USP7: variants seen among roughly 807,000 people sequenced by gnomAD.
USP7 encodes the protein ubiquitin specific peptidase 7, also known as ubiquitin C-terminal hydrolase 7.
Under a neutral mutation model 162.9 loss-of-function variants are expected in USP7, and 9 were observed. The observed-to-expected ratio is 0.06, with a 90% CI of 0.03 to 0.10. The LOEUF (loss-of-function observed/expected upper bound fraction) is 0.10. Ranked by LOEUF, USP7 falls within the 10% of genes least tolerant of loss-of-function variation. USP7 has a pLI of 1.00. For synonymous variants in USP7, 562 were observed against 475.9 expected (o/e 1.18, Z -2.35); for missense variants, 715 against 1,373.7 (o/e 0.52, Z 7.58).
At chr16:8,919,557 G>C (rs1380136934) in intron 5 of USP7, among the ~76,000 whole-genome samples, 3 of 152,074 alleles carry the variant, frequency 2.0e-5, no homozygotes, top group Non-Finnish European at 4.4e-5. Flanking sequence ...AGAAACAGAA[G>C]TGTGTATTCA....
rs1354559247 is a variant in USP7 at position 8,900,665 on chromosome 16, G to A, written c.2209-35C>T. The A allele has an allele frequency of 5.3e-6, 8 of 1,511,262 alleles. No homozygotes were observed. The East Asian group carries it at 1.6e-4, about 30-fold the overall frequency. The allele number at this position is 1,511,262 out of a possible 1,614,324, so 93.6% of individuals were successfully genotyped here. On this transcript the variant is annotated intron_variant, in intron 20 of 30. Coordinates refer to ENST00000344836, the MANE Select transcript of USP7 (RefSeq NM_003470.3). ...AAGATATAAAATTGTTACACTGCAA[G>A]TTTGTCTAACGTTTAATATGGCCAG...
intron 15 of USP7, 84 bp downstream of exon 15, chr16:8,904,351 G>A: frequency 6.4e-7 from 1 of 1,563,604 alleles, no homozygotes. Context: ...AGTCCCAGAG[G>A]GGTGGGGGCT....
intron 21 of USP7, 120 bp downstream of exon 21, chr16:8,900,410 T>G: frequency 1.5e-6 from 1 of 645,494 alleles, no homozygotes; most frequent in Non-Finnish European, 2.5e-6. Flanking sequence ...AACAGTTACA[T>G]TAAAAAAAAC....
At chr16:8,906,382 ACTTTCTGATGAG>A in intron 13 of USP7, 32 bp downstream of exon 13, 1 of 1,591,060 alleles carries the variant, frequency 6.3e-7, no homozygotes, top group Non-Finnish European at 8.6e-7. Flanking sequence ...GCTTGTGTTA[ACTTTCTGATGAG>A]CTTGCATTCA....
intron 1 of USP7, among the ~76,000 whole-genome samples, chr16:8,945,816 C>T (rs986260042): frequency 5.9e-5 from 9 of 151,514 alleles, no homozygotes; most frequent in South Asian, 2.1e-4. Flanking sequence ...TTTAGGAAGC[C>T]AAGGCAAGAA....
intron 10 of USP7, among the ~76,000 whole-genome samples, chr16:8,914,944 T>A (rs147527788): frequency 1.1e-3 from 164 of 152,140 alleles, no homozygotes; most frequent in African/African-American, 3.6e-3. Flanking sequence ...AACAAATACA[T>A]CCTACTACAA....
intron 1 of USP7, chr16:8,936,803 G>C: frequency 2.4e-6 from 3 of 1,234,098 alleles, no homozygotes; most frequent in Non-Finnish European, 3.1e-6. Context: ...AGGCAGTCCA[G>C]GAACAGAAGA....
At chr16:8,953,361 T>A (rs1899645299) in intron 1 of USP7, among the ~76,000 whole-genome samples, 1 of 152,096 alleles carries the variant, frequency 6.6e-6, no homozygotes, top group African/African-American at 2.4e-5. Flanking sequence ...AGTCAGCAGA[T>A]GTTTGATGAA....
Position 8,963,197 on chromosome 16 carries a change from C to G in USP7, c.79+10G>C, listed in dbSNP as rs1425935761. On this transcript the variant is annotated intron_variant, in intron 1 of 30. Coordinates refer to ENST00000344836, the MANE Select transcript of USP7 (RefSeq NM_003470.3). ...CCCCGGCCCCGCCGCGGCCGGCCCT[C>G]GGGCCTCACCTTCCATCTCCATGTC... 9.9e-6 allele frequency: 14 copies of G among 1,410,846 alleles called. No individual in the cohort carries two copies. Among genetic ancestry groups the G allele is most frequent in the Non-Finnish European group, 1.3e-5 (14 of 1,073,004 alleles). 87.4% of individuals were successfully genotyped at this position (1,410,846 alleles called of 1,614,324 possible). A position where few individuals can be genotyped will look rare whatever the true frequency, so the allele number is the denominator to read the frequency against.
chr16:8,953,521 T>TGCCCCGTGCGGCGCCACC (rs1567248165), intron 1 of USP7, among the ~76,000 whole-genome samples: 2 of 111,404 alleles, frequency 1.8e-5, no homozygotes, highest in African/African-American at 3.6e-5. Flanking sequence ...GCGGTGCCAC[T>TGCCCCGTGCGGCGCCACC]GGAAGCAGAG....
chr16:8,954,254 G>A (rs980545232), intron 1 of USP7, among the ~76,000 whole-genome samples: 2 of 152,016 alleles, frequency 1.3e-5, no homozygotes, highest in African/African-American at 2.4e-5. Flanking sequence ...TGCCCCCTGC[G>A]GTGCCACTGG....
chr16:8,943,368 G>A (rs1899132237), intron 1 of USP7, among the ~76,000 whole-genome samples: 2 of 151,324 alleles, frequency 1.3e-5, no homozygotes, highest in African/African-American at 4.9e-5. Flanking sequence ...AAAAGAAACA[G>A]GATTATCTGC....
intron 25 of USP7, 66 bp downstream of exon 25, chr16:8,898,294 G>A: frequency 2.3e-6 from 3 of 1,293,574 alleles, no homozygotes; most frequent in Non-Finnish European, 3.3e-6. Context: ...TCAATGTCTG[G>A]GGACAGGTAG....
At chr16:8,946,551 T>C (rs1356059670) in intron 1 of USP7, among the ~76,000 whole-genome samples, 2 of 151,980 alleles carry the variant, frequency 1.3e-5, no homozygotes, top group African/African-American at 4.8e-5. Flanking sequence ...AAGACTCAAA[T>C]CTCAAATATA....
chr16:8,958,160 C>A (rs1257501647), intron 1 of USP7, among the ~76,000 whole-genome samples: 1 of 152,178 alleles, frequency 6.6e-6, no homozygotes, highest in African/African-American at 2.4e-5. Context: ...GTAGAAGAGG[C>A]ACCCCAATGC....
At position 8,906,410 on chromosome 16, in the gene USP7, G is replaced by A; in HGVS notation, c.1428+16C>T. 6.2e-7 allele frequency: 1 copy of A among 1,609,894 alleles called. No homozygotes were observed. The highest frequency in any genetic ancestry group is 8.5e-7 in the Non-Finnish European group (1 of 1,178,514). Reference sequence around the variant, plus strand: ...TTCTGATGAGCTTGCATTCAGCCCTGGGTCCCACCACTTACTTTGCCATCC... The same window carrying A: ...TTCTGATGAGCTTGCATTCAGCCCTAGGTCCCACCACTTACTTTGCCATCC... On this transcript the variant is annotated intron_variant, in intron 13 of 30. Coordinates refer to ENST00000344836, the MANE Select transcript of USP7 (RefSeq NM_003470.3).
chr16:8,930,492 A>AT (rs1898257396), intron 1 of USP7, 95 bp from the exon 2 acceptor site: 1 of 789,774 alleles, frequency 1.3e-6, no homozygotes, highest in Admixed American at 3.3e-5. Flanking sequence ...TTGCCTAATC[A>AT]TTAATAAATT....
chr16:8,902,027 C>A, intron 18 of USP7, 55 bp downstream of exon 18: 1 of 1,434,826 alleles, frequency 7.0e-7, no homozygotes, highest in Non-Finnish European at 9.8e-7. Flanking sequence ...GAACAACAAT[C>A]CAGGAATCCA....
intron 1 of USP7, among the ~76,000 whole-genome samples, chr16:8,951,190 G>A (rs1284954828): frequency 4.5e-4 from 3 of 6,734 alleles, no homozygotes; most frequent in Admixed American, 2.1e-3. Context: ...GACTGCTACA[G>A]TCACTTTACA....
Sources: gnomAD v4.1 joint callset for allele counts (sites outside exome capture counted in the v4.1 genomes callset) on GRCh38, gnomAD v4.1.1 for gene constraint, MANE v1.5 for transcripts, NCBI Gene and HGNC (gene_info 2026-07-23, HGNC 2026-07-21) for gene names.